The following MTA2 variants were observed in gnomAD, a reference collection of about 807,000 sequenced individuals.
MTA2 encodes metastasis-associated protein MTA2.
A neutral mutation model predicts 87.1 loss-of-function variants in MTA2; 22 were observed. That is an observed-to-expected ratio of 0.25 (90% CI 0.18 to 0.36). The LOEUF (loss-of-function observed/expected upper bound fraction) is 0.36. Among genes scored for constraint, MTA2 ranks in the 10% least tolerant of loss-of-function variants. The pLI, the probability that MTA2 is intolerant of heterozygous loss-of-function variation, is 1.00. For missense variants in MTA2, 542 were observed against 853.2 expected, an observed-to-expected ratio of 0.64 and a Z score of 4.54; for synonymous variants, 314 against 310.1, an observed-to-expected ratio of 1.01 and a Z score of -0.13.
chr11:62,594,529 C>T lies in MTA2; in HGVS notation c.1679G>A (p.Arg560Gln). 5 of 1,614,138 alleles carry T rather than the reference C, an allele frequency of 3.1e-6. No individual in the cohort carries two copies. The highest frequency in any genetic ancestry group is 2.2e-5 in the South Asian group (2 of 91,082). Residue 560 changes from arginine (R) to glutamine (Q), a missense_variant, in exon 16 of 18, where the codon CGG becomes CAG. Arg to Gln is a conservative substitution (Grantham distance 43, BLOSUM62 1). Coordinates refer to ENST00000278823, the MANE Select transcript of MTA2 (RefSeq NM_004739.4). ...NRGLGGIMVKRAYETMAGAGV... is the reference protein window; with the variant it reads ...NRGLGGIMVKQAYETMAGAGV... ...CTGTCAACTCACAGTCTCATAGGCC[C>T]GTTTCACCATAATGCCCCCCAGTCC...
rs778275871 is a variant in MTA2, at chr11:62,597,639, C to T, written c.564G>A (p.Arg188=). The stretch of plus-strand genomic sequence containing the variant: ...CCACCACAAGAAACTGGTCGATCTG[C>T]CGGTCTGTGAGAGGGTTGTCTGGGT... ...VWDPDNPLTD[R]QIDQFLVVAR... Residue 188 remains arginine, a synonymous_variant, in exon 7 of 18, where the codon CGG becomes CGA. Coordinates refer to ENST00000278823, the MANE Select transcript of MTA2 (RefSeq NM_004739.4). 1.9e-6 allele frequency: 3 copies of T among 1,614,084 alleles called. No homozygotes were observed. In the Admixed American group the frequency reaches 5.0e-5, roughly 27 times the overall value.
Position 62,600,697 on chromosome 11 carries a change from G to C in MTA2, c.29-8C>G. On this transcript the variant is annotated splice_polypyrimidine_tract_variant and splice_region_variant and intron_variant, in intron 1 of 17. Coordinates refer to ENST00000278823, the MANE Select transcript of MTA2 (RefSeq NM_004739.4). Reference sequence around the variant, plus strand: ...TCTCAAAATAGACGTAATCTGTAAGGGAAGGGAGGGGGGAGAACCACGAAG... The same window carrying C: ...TCTCAAAATAGACGTAATCTGTAAGCGAAGGGAGGGGGGAGAACCACGAAG... 1 of 1,612,966 alleles carries C rather than the reference G, an allele frequency of 6.2e-7. No homozygotes were observed. Among genetic ancestry groups the C allele is most frequent in the Non-Finnish European group, 8.5e-7 (1 of 1,179,274 alleles).
chr11:62,593,791 C>A lies in MTA2; in HGVS notation c.*84G>T. The A allele has an allele frequency of 6.5e-7, 1 of 1,549,934 alleles. No homozygotes were observed. Among genetic ancestry groups the A allele is most frequent in the South Asian group, 1.1e-5 (1 of 87,352 alleles). ...TCTTCCTTAATTCACTCCTCACTCC[C>A]TTCGACACGAAAGGGAAGGGAGGTT... On this transcript the variant is annotated 3_prime_UTR_variant, in exon 18 of 18. Coordinates refer to ENST00000278823, the MANE Select transcript of MTA2 (RefSeq NM_004739.4).
At chr11:62,598,218 C>G in intron 5 of MTA2, 77 bp from the exon 6 acceptor site, 2 of 1,568,578 alleles carry the variant, frequency 1.3e-6, no homozygotes, top group South Asian at 2.2e-5. Context: ...TCTGAGTTTC[C>G]ATGACCGGCA....
intron 15 of MTA2, 128 bp downstream of exon 15, chr11:62,594,853 A>T: frequency 1.0e-6 from 1 of 969,240 alleles, no homozygotes; most frequent in Middle Eastern, 3.3e-4. Flanking sequence ...TTATTAAACA[A>T]CAAAAGTACA....
chr11:62,596,000 C>G lies in MTA2; in HGVS notation c.1114+10G>C. 1 of 1,614,062 alleles carries G rather than the reference C, an allele frequency of 6.2e-7. No individual in the cohort carries two copies. Among genetic ancestry groups the G allele is most frequent in the Non-Finnish European group, 8.5e-7 (1 of 1,179,926 alleles). ...CCCATCCCCACCATCCCAGTGCCCC[C>G]GTAACTCACTGTGGCAACTCTCACA... On this transcript the variant is annotated intron_variant, in intron 12 of 17. Transcript: ENST00000278823. The surrounding 1 kb of genome is among the most constrained non-coding windows in gnomAD (Gnocchi z 4.9).
In MTA2 at chr11:62,601,765, G is replaced by C; in HGVS notation, c.-315C>G. The C allele has an allele frequency of 2.0e-6, 1 of 511,876 alleles. No individual in the cohort carries two copies. The highest frequency in any genetic ancestry group is 3.5e-5 in the East Asian group (1 of 28,550). 31.7% of individuals were successfully genotyped at this position (511,876 alleles called of 1,614,324 possible). ...CCCCCGCCCCCGCGGAGTCCCACTA[G>C]TCGTTGGGCTCTGCCGGCCGCAGGG... On this transcript the variant is annotated 5_prime_UTR_variant, in exon 1 of 18. Transcript: ENST00000278823.
intron 1 of MTA2, 165 bp downstream of exon 1, chr11:62,601,258 G>A (rs986118679): frequency 1.2e-6 from 1 of 869,554 alleles, no homozygotes; most frequent in Non-Finnish European, 1.7e-6. Flanking sequence ...GCCGCGTCGC[G>A]GTTCCCCGCA....
At chr11:62,598,697 T>A (rs1942132598) in intron 3 of MTA2, 58 bp from the exon 4 acceptor site, 1 of 1,448,966 alleles carries the variant, frequency 6.9e-7, no homozygotes, top group Non-Finnish European at 9.6e-7. Flanking sequence ...AACACCACCC[T>A]GGAAACTCTA....
intron 3 of MTA2, 101 bp downstream of exon 3, chr11:62,600,065 A>T (rs1942155960): frequency 9.1e-7 from 1 of 1,098,376 alleles, no homozygotes; most frequent in Non-Finnish European, 1.3e-6. Flanking sequence ...CCCCAAACTC[A>T]CACCTCTGCC....
In MTA2 at chr11:62,597,372, T is replaced by C; in HGVS notation, c.637A>G (p.Ile213Val). The change falls in exon 8 of 18, where the codon ATT becomes GTT. Residue 213 changes from isoleucine to valine, a missense_variant. By Grantham distance (29) the Ile-to-Val change is conservative. Transcript: ENST00000278823. The part of the protein sequence containing the change: ...FARALDCSSS[I>V]RQPSLHMSAA... ...CTCATGTGCAAGCTTGGCTGCCGAA[T>C]GGAGCTGCTACAATCTAGGGCTCTT... 1 of 1,612,484 alleles carries C rather than the reference T, an allele frequency of 6.2e-7. No homozygotes were observed. Among genetic ancestry groups the C allele is most frequent in the South Asian group, 1.1e-5 (1 of 90,724 alleles).
chr11:62,600,439 C>T, intron 2 of MTA2, 180 bp from the exon 3 acceptor site: 3 of 795,194 alleles, frequency 3.8e-6, no homozygotes, highest in South Asian at 1.8e-5. Context: ...CTTTCCTTTG[C>T]CCCCAAGAGA....
Position 62,600,621 on chromosome 11 carries a change from C to T in MTA2, c.96+1G>A. ...AGGGAGAGGGATTCTGCTCCACTCA[C>T]CTTGTTGAGCTCCTCAATCCGTCTA... On this transcript the variant is annotated splice_donor_variant, in intron 2 of 17. Coordinates refer to ENST00000278823, the MANE Select transcript of MTA2 (RefSeq NM_004739.4). LOFTEE classifies it high-confidence loss of function. 6.2e-7 allele frequency: 1 copy of T among 1,613,670 alleles called. No individual in the cohort carries two copies. Among genetic ancestry groups the T allele is most frequent in the East Asian group, 2.2e-5 (1 of 44,888 alleles).
Position 62,598,004 on chromosome 11 carries a change from A to C in MTA2, c.490+20T>G, listed in dbSNP as rs759384107. ...GAATTAGACAACCTGGTAGCCGTAC[A>C]GTCTTGTCCTGTTGCTTACCCTCTA... On this transcript the variant is annotated intron_variant, in intron 6 of 17. Coordinates refer to ENST00000278823, the MANE Select transcript of MTA2 (RefSeq NM_004739.4). 1.8e-5 allele frequency: 28 copies of C among 1,590,008 alleles called. No homozygotes were observed. The highest frequency in any genetic ancestry group is 2.4e-5 in the Non-Finnish European group (28 of 1,158,132).
intron 15 of MTA2, 47 bp from the exon 16 acceptor site, chr11:62,594,681 C>G (rs745411970): frequency 3.2e-6 from 5 of 1,543,880 alleles, no homozygotes; most frequent in Non-Finnish European, 4.5e-6. Context: ...CCACGCAGTT[C>G]CCCTTTGTTA....
In MTA2 at chr11:62,595,160, C is replaced by A; in HGVS notation, c.1484-90G>T. ...CCAACTCTAATCTTAAAAAAATTAT[C>A]TGTGGCCTACTATCCCTCCTGTTAT... On this transcript the variant is annotated intron_variant, in intron 14 of 17. Coordinates refer to ENST00000278823, the MANE Select transcript of MTA2 (RefSeq NM_004739.4). This position sits in a 1 kb window ranked among gnomAD's most constrained non-coding sequence, Gnocchi z 4.9. 1 of 1,540,396 alleles carries A rather than the reference C, an allele frequency of 6.5e-7. No homozygotes were observed. Among genetic ancestry groups the A allele is most frequent in the Non-Finnish European group, 8.9e-7 (1 of 1,121,830 alleles).
chr11:62,599,472 G>A (rs964473845), intron 3 of MTA2, among the ~76,000 whole-genome samples: 1 of 152,032 alleles, frequency 6.6e-6, no homozygotes, highest in African/African-American at 2.4e-5. Flanking sequence ...TGGTAAGCTG[G>A]GCTCCTCTTT....
rs1173767178 is a variant in MTA2, at chr11:62,598,127, G to T, written c.387C>A (p.Tyr129Ter). 1 of 1,613,916 alleles carries T rather than the reference G, an allele frequency of 6.2e-7. No homozygotes were observed. The highest frequency in any genetic ancestry group is 8.5e-7 in the Non-Finnish European group (1 of 1,180,016). Reference protein sequence around the residue: ...QYLEKEDCFFYSLVFDPVQKT... With the variant: ...QYLEKEDCFF ...TCTGCACGGGGTCAAACACCAGTGA[G>T]TAAAAAAAGCAGTCCTGGAATTGGG... Residue 129 changes from tyrosine (Y) to a stop codon, truncating the protein, a stop_gained, in exon 6 of 18, where the codon TAC (tyrosine) becomes TAA (stop). Coordinates refer to ENST00000278823, the MANE Select transcript of MTA2 (RefSeq NM_004739.4). LOFTEE classifies it high-confidence loss of function.
At position 62,598,159 on chromosome 11, in the gene MTA2, C is replaced by G. The variant is rs1202461784; in HGVS notation, c.373-18G>C. 1.2e-6 allele frequency: 2 copies of G among 1,611,386 alleles called. No individual in the cohort carries two copies. The highest frequency in any genetic ancestry group is 8.5e-7 in the Non-Finnish European group (1 of 1,177,880). On this transcript the variant is annotated intron_variant, in intron 5 of 17. Transcript: ENST00000278823. ...AAGCAGTCCTGGAATTGGGGAGAGACAAGGTAAGCAAGGCAGCAATCCACA... is the reference window on the plus strand; with the variant it reads ...AAGCAGTCCTGGAATTGGGGAGAGAGAAGGTAAGCAAGGCAGCAATCCACA...
Sources: gnomAD v4.1 joint callset for allele counts (sites outside exome capture counted in the v4.1 genomes callset) on GRCh38, gnomAD v4.1.1 for gene constraint, Gnocchi (gnomAD v3.1) non-coding constraint, MANE v1.5 for transcripts, NCBI Gene and HGNC (gene_info 2026-07-23, HGNC 2026-07-21) for gene names.